RTN4: variants seen among roughly 807,000 people sequenced by gnomAD.
The protein encoded by RTN4 is reticulon-4.
Under a neutral mutation model 90.4 loss-of-function variants are expected in RTN4, and 32 were observed. The ratio of observed to expected loss-of-function variants is 0.35; its 90% CI spans 0.27 to 0.48. The LOEUF is 0.48. RTN4 is among the 20% of genes least tolerant of loss of function. The probability of loss-of-function intolerance (pLI) is 0.99; values close to 1 mark genes in which losing one functional copy is unlikely to be tolerated. For missense variants in RTN4, 1,706 were observed against 1,430.2 expected, an observed-to-expected ratio of 1.19 and a Z score of -3.11; for synonymous variants, 629 against 552.5, an observed-to-expected ratio of 1.14 and a Z score of -1.94.
Position 54,987,585 on chromosome 2 carries a change from T to A in RTN4, c.3127A>T (p.Ile1043Phe), listed in dbSNP as rs201611899. ...GTCACAGAGAGCAGGGCCAAGGCAATGTAGGCTGTTACGCTCACAATGCTG... is the reference window on the plus strand; with the variant it reads ...GTCACAGAGAGCAGGGCCAAGGCAAAGTAGGCTGTTACGCTCACAATGCTG... Reference protein sequence around the residue: ...VFSIVSVTAYIALALLSVTIS... With the variant: ...VFSIVSVTAYFALALLSVTIS... The change falls in exon 4 of 9, where the codon ATT becomes TTT. Residue 1043 changes from isoleucine to phenylalanine, a missense_variant. Transcript: ENST00000337526. 202 of 1,614,058 alleles carry A rather than the reference T, an allele frequency of 1.3e-4. No homozygotes were observed. Among genetic ancestry groups the A allele is most frequent in the Non-Finnish European group, 1.6e-4 (192 of 1,180,034 alleles).
intron 3 of RTN4, among the ~76,000 whole-genome samples, chr2:55,002,635 T>G (rs1679930103): frequency 6.6e-6 from 1 of 152,220 alleles, no homozygotes; most frequent in African/African-American, 2.4e-5. Context: ...AGTTCTAATT[T>G]TGCACTCCTA....
intron 1 of RTN4, among the ~76,000 whole-genome samples, chr2:55,081,208 G>A (rs1668708055): frequency 6.6e-6 from 1 of 152,068 alleles, no homozygotes; most frequent in South Asian, 2.1e-4. Context: ...GAAGTAGCTG[G>A]GACCACAGGT....
chr2:55,011,293 C>T (rs6722182), intron 3 of RTN4, among the ~76,000 whole-genome samples: 27,174 of 152,020 alleles, frequency 0.18, 2,749 homozygotes, highest in African/African-American at 0.28. Context: ...TCCTAAAGTG[C>T]GGGGATTACA....
At chr2:55,091,689 C>T (rs1668937763) in intron 1 of RTN4, among the ~76,000 whole-genome samples, 1 of 152,078 alleles carries the variant, frequency 6.6e-6, no homozygotes, top group Non-Finnish European at 1.5e-5. Flanking sequence ...TTTTAATTAG[C>T]CAGTGTATTA....
intron 1 of RTN4, among the ~76,000 whole-genome samples, chr2:55,033,211 G>A (rs1228253450): frequency 1.3e-5 from 2 of 151,962 alleles, no homozygotes; most frequent in African/African-American, 2.4e-5. Flanking sequence ...CAAAGATAGA[G>A]ACAACCCTAA....
chr2:55,092,426 G>T lies in RTN4; in HGVS notation c.-213-11787C>A, dbSNP rs530911864. ...AATTTTGTATTTTTAGTAGAGACAG[G>T]GTTTCTCCATGTTGTCAGCCTGGTC... is the stretch of plus-strand genomic sequence containing the variant. On this transcript the variant is annotated intron_variant, in intron 1 of 3. Transcript: ENST00000427710. 3.6e-4 allele frequency among the ~76,000 whole-genome samples: 55 copies of T among 152,024 alleles called. 1 individual carries two copies. The South Asian group carries it at 0.011, about 30-fold the overall frequency.
At chr2:55,077,680 C>T (rs914562114) in intron 2 of RTN4, among the ~76,000 whole-genome samples, 2 of 151,730 alleles carry the variant, frequency 1.3e-5, no homozygotes, top group Admixed American at 6.6e-5. Flanking sequence ...TTTATAGCAG[C>T]ACAATTCGCA....
chr2:55,089,874 C>T (rs1668906498), intron 1 of RTN4, among the ~76,000 whole-genome samples: 2 of 152,140 alleles, frequency 1.3e-5, no homozygotes, highest in Non-Finnish European at 2.9e-5. Context: ...ACACCTGGGG[C>T]ATGGAACATT....
chr2:55,016,612 C>T (rs1318458483), intron 3 of RTN4, among the ~76,000 whole-genome samples: 1 of 151,984 alleles, frequency 6.6e-6, no homozygotes, highest in Non-Finnish European at 1.5e-5. Context: ...AACACATGTG[C>T]ATTGAAAGTA....
At chr2:55,068,127 AT>A (rs1668425978) in intron 2 of RTN4, among the ~76,000 whole-genome samples, 2 of 152,304 alleles carry the variant, frequency 1.3e-5, no homozygotes, top group South Asian at 4.1e-4. Context: ...TATTTTAATG[AT>A]TTTTTAAGAT....
At chr2:55,066,201 G>GTT (rs1365012755) in intron 2 of RTN4, among the ~76,000 whole-genome samples, 1 of 136,674 alleles carries the variant, frequency 7.3e-6, no homozygotes, top group African/African-American at 3.5e-5. Flanking sequence ...GTTTGTGTGT[G>GTT]TGTGTGTGTG....
At chr2:55,028,334 C>G (rs1682060964) in intron 1 of RTN4, 114 bp from the exon 2 acceptor site, 1 of 817,332 alleles carries the variant, frequency 1.2e-6, no homozygotes, top group Non-Finnish European at 1.9e-6. Context: ...AAAAACTTTA[C>G]AGAGAAAGGG....
chr2:55,037,963 T>C (rs1682804370), intron 1 of RTN4, among the ~76,000 whole-genome samples: 1 of 152,280 alleles, frequency 6.6e-6, no homozygotes, highest in African/African-American at 2.4e-5. Flanking sequence ...AATAGATATA[T>C]ATAAATAGAC....
In RTN4 at chr2:54,972,918, A is replaced by G; in HGVS notation, c.*238T>C. 1 of 381,458 alleles carries G rather than the reference A, an allele frequency of 2.6e-6. No homozygotes were observed. Among genetic ancestry groups the G allele is most frequent in the Non-Finnish European group, 4.7e-6 (1 of 213,794 alleles). 23.6% of individuals were successfully genotyped at this position (381,458 alleles called of 1,614,324 possible). A position where few individuals can be genotyped will look rare whatever the true frequency, so the allele number is the denominator to read the frequency against. On this transcript the variant is annotated 3_prime_UTR_variant, in exon 9 of 9. Coordinates refer to ENST00000337526, the MANE Select transcript of RTN4 (RefSeq NM_020532.5). ...CCAGTGCCTCAGATAGATAGGAAAA[A>G]GATATGATTACGGTTTAAATCCATA... is the stretch of plus-strand genomic sequence containing the variant.
intron 1 of RTN4, among the ~76,000 whole-genome samples, chr2:55,038,508 G>A (rs951099824): frequency 1.3e-5 from 2 of 151,790 alleles, no homozygotes; most frequent in African/African-American, 4.8e-5. Flanking sequence ...CACACACAAA[G>A]GACATGTAAA....
chr2:55,110,205 T>G lies in RTN4; in HGVS notation c.-214+2315A>C, dbSNP rs566512690. ...CTATGTCTGTAGTCCCAGCTACGTG[T>G]GAGGCTGAGGTGGGAGGATTGCTTG... On this transcript the variant is annotated intron_variant, in intron 1 of 3. Coordinates refer to the RTN4 transcript ENST00000427710. 1.3e-4 allele frequency among the ~76,000 whole-genome samples: 20 copies of G among 150,300 alleles called. No homozygotes were observed. In the South Asian group the frequency reaches 4.2e-3, roughly 31 times the overall value.
chr2:54,983,343 AT>A (rs1678297497), intron 4 of RTN4, among the ~76,000 whole-genome samples: 4 of 151,756 alleles, frequency 2.6e-5, no homozygotes, highest in Non-Finnish European at 5.9e-5. Flanking sequence ...AAATAAATAA[AT>A]AAATAAATAA....
intron 5 of RTN4, among the ~76,000 whole-genome samples, chr2:54,975,744 A>C (rs2104606280): frequency 6.6e-6 from 1 of 152,354 alleles, no homozygotes; most frequent in South Asian, 2.1e-4. Flanking sequence ...CCATTAATTA[A>C]GCAGTCAAAC....
intron 1 of RTN4, among the ~76,000 whole-genome samples, chr2:55,045,899 T>C (rs1203184722): frequency 1.3e-5 from 2 of 152,168 alleles, no homozygotes; most frequent in Non-Finnish European, 2.9e-5. Context: ...TAGCCAGAGT[T>C]TTCTGCGCAT....
Sources: gnomAD v4.1 joint callset for allele counts (sites outside exome capture counted in the v4.1 genomes callset) on GRCh38, gnomAD v4.1.1 for gene constraint, MANE v1.5 for transcripts, NCBI Gene and HGNC (gene_info 2026-07-23, HGNC 2026-07-21) for gene names.